The following STK3 variants were observed in gnomAD, a reference collection of about 807,000 sequenced individuals.
STK3 encodes the protein serine/threonine kinase 3.
Under a neutral mutation model 58.0 loss-of-function variants are expected in STK3, and 41 were observed. The ratio of observed to expected loss-of-function variants is 0.71; its 90% CI spans 0.55 to 0.92. The LOEUF is 0.92. Ranked by LOEUF, STK3 falls within the 40% of genes least tolerant of loss-of-function variation. The pLI, the probability that STK3 is intolerant of heterozygous loss-of-function variation, is 0.00. For synonymous variants in STK3, 170 were observed against 191.0 expected (o/e 0.89, Z 0.91); for missense variants, 479 against 602.7 (o/e 0.79, Z 2.15).
chr8:98,487,439 C>T (rs915006974), intron 10 of STK3, among the ~76,000 whole-genome samples: 4 of 152,112 alleles, frequency 2.6e-5, no homozygotes, highest in African/African-American at 9.7e-5. Context: ...AATGAAAACT[C>T]GGAAACCTAA....
At chr8:98,380,062 T>C (rs1046528909) in intron 1 of STK3, among the ~76,000 whole-genome samples, 1 of 152,222 alleles carries the variant, frequency 6.6e-6, no homozygotes, top group African/African-American at 2.4e-5. Flanking sequence ...TGACAAATAC[T>C]GTGTGATTCC....
chr8:98,789,954 G>A (rs1832702363), intron 1 of STK3, among the ~76,000 whole-genome samples: 1 of 151,372 alleles, frequency 6.6e-6, no homozygotes, highest in South Asian at 2.1e-4. Flanking sequence ...CTTGAACCCG[G>A]GAGGCAGAGG....
At chr8:98,388,182 T>C (rs1440228548) in intron 1 of STK3, 1 of 152,214 alleles carries the variant, frequency 6.6e-6, no homozygotes, top group Admixed American at 6.5e-5. Flanking sequence ...GAAAGAAGCA[T>C]CTATTTTACC....
intron 10 of STK3, among the ~76,000 whole-genome samples, chr8:98,522,375 C>T (rs1382683239): frequency 6.6e-6 from 1 of 152,036 alleles, no homozygotes; most frequent in Non-Finnish European, 1.5e-5. Context: ...TGTAATAATT[C>T]CTTCCATCTC....
chr8:98,419,615 T>C (rs1026679964), intron 3 of STK3, among the ~76,000 whole-genome samples: 1 of 152,180 alleles, frequency 6.6e-6, no homozygotes, highest in African/African-American at 2.4e-5. Flanking sequence ...AGTGAGGTCC[T>C]TCCAGCCAAG....
rs141547736 is a variant in STK3, at chr8:98,831,764, T to C, written c.110+51883A>G. Among the ~76,000 whole-genome samples, 1,322 of 152,346 alleles carry C rather than the reference T, an allele frequency of 8.7e-3. 12 individuals are homozygous for C. The highest frequency in any genetic ancestry group is 0.03 in the African/African-American group (1,245 of 41,560). On this transcript the variant is annotated intron_variant, in intron 3 of 12. Transcript: ENST00000523601. ...CTTGATCTGTTTCTCTTTTCTAACT[T>C]AGTTTTATAGTTAGTTTGAAACTAG...
intron 1 of STK3, among the ~76,000 whole-genome samples, chr8:98,776,945 G>T (rs1376697436): frequency 6.6e-6 from 1 of 151,938 alleles, no homozygotes; most frequent in Non-Finnish European, 1.5e-5. Flanking sequence ...AGCTACTTGC[G>T]AGGCTGAGGC....
At chr8:98,875,556 A>T (rs934237604) in intron 3 of STK3, 1 of 152,202 alleles carries the variant, frequency 6.6e-6, no homozygotes, top group East Asian at 1.9e-4. Flanking sequence ...TCCACTTGGG[A>T]TTTAGACCTT....
chr8:98,712,813 C>G (rs1038757309), intron 4 of STK3, among the ~76,000 whole-genome samples: 1 of 152,202 alleles, frequency 6.6e-6, no homozygotes, highest in Non-Finnish European at 1.5e-5. Flanking sequence ...CTCTCCACCC[C>G]AAATCAACAG....
intron 9 of STK3, among the ~76,000 whole-genome samples, chr8:98,542,995 A>G (rs1810413253): frequency 6.6e-6 from 1 of 152,212 alleles, no homozygotes; most frequent in South Asian, 2.1e-4. Context: ...AGTGGGAAAT[A>G]AACAAAAGCA....
intron 3 of STK3, among the ~76,000 whole-genome samples, chr8:98,870,527 T>C (rs1434203728): frequency 6.6e-6 from 1 of 152,232 alleles, no homozygotes; most frequent in African/African-American, 2.4e-5. Context: ...TTTTCAATGA[T>C]TGCCATTCTA....
Position 98,548,004 on chromosome 8 carries a change from C to T in STK3, c.1106G>A (p.Ser369Asn). 6.2e-7 allele frequency: 1 copy of T among 1,605,414 alleles called. No individual in the cohort carries two copies. The highest frequency in any genetic ancestry group is 8.5e-7 in the Non-Finnish European group (1 of 1,176,554). Residue 369 changes from serine to asparagine, a missense_variant, in exon 9 of 11, where the codon AGT (serine) becomes AAT (asparagine). By Grantham distance (46) the Ser-to-Asn change is conservative. Around this residue, in one of 3 missense-constraint regions of STK3, gnomAD observed 309 missense variants for 355.7 expected, o/e 0.87. Coordinates refer to ENST00000419617, the MANE Select transcript of STK3 (RefSeq NM_006281.4). Reference protein sequence around the residue: ...ESDLGTMVINSEDEEEEDGTM... With the variant: ...ESDLGTMVINNEDEEEEDGTM... ...TCCATCTTCTTCTTCCTCATCCTCA[C>T]TGTTTATCACCATGGTCCCCAAGTC...
At chr8:98,741,946 C>T (rs1281924548) in intron 4 of STK3, among the ~76,000 whole-genome samples, 1 of 151,830 alleles carries the variant, frequency 6.6e-6, no homozygotes, top group Non-Finnish European at 1.5e-5. Context: ...GAGAATACTA[C>T]AAACACCTCT....
chr8:98,883,742 C>T (rs1035858301), downstream of STK3: 2 of 702,746 alleles, frequency 2.8e-6, no homozygotes, highest in Non-Finnish European at 5.2e-6. Flanking sequence ...TGCCACTGTC[C>T]ATGAGTTGTA....
At chr8:98,582,728 T>C (rs1814028302) in intron 7 of STK3, among the ~76,000 whole-genome samples, 1 of 152,148 alleles carries the variant, frequency 6.6e-6, no homozygotes, top group African/African-American at 2.4e-5. Context: ...TTCTATCTCA[T>C]ACTGGCGTTA....
chr8:98,906,351 G>C (rs981724991), intron 1 of STK3: 1 of 152,570 alleles, frequency 6.6e-6, no homozygotes, highest in African/African-American at 2.4e-5. Flanking sequence ...TCACGGCATG[G>C]AAGGCCTCAG....
At chr8:98,388,628 A>G (rs542846354), upstream of STK3, among the ~76,000 whole-genome samples, 1 of 152,356 alleles carries the variant, frequency 6.6e-6, no homozygotes, top group South Asian at 2.1e-4. Flanking sequence ...AAAATCCAGA[A>G]TATTTCAAAT....
At chr8:98,598,684 T>C (rs1339816190) in intron 6 of STK3, 2 of 985,182 alleles carry the variant, frequency 2.0e-6, no homozygotes, top group African/African-American at 1.7e-5. Context: ...AACAATTCAT[T>C]CCCTTGCCAC....
intron 6 of STK3, among the ~76,000 whole-genome samples, chr8:98,666,695 G>A (rs1455796569): frequency 6.6e-6 from 1 of 152,090 alleles, no homozygotes; most frequent in East Asian, 1.9e-4. Context: ...GTCTGGCTCA[G>A]TTTGCCTATT....
Sources: gnomAD v4.1 joint callset for allele counts (sites outside exome capture counted in the v4.1 genomes callset) on GRCh38, gnomAD v4.1.1 for gene constraint, gnomAD v4.1.1 regional missense constraint, MANE v1.5 for transcripts, NCBI Gene and HGNC (gene_info 2026-07-23, HGNC 2026-07-21) for gene names.